EGFR: variants seen among roughly 807,000 people sequenced by gnomAD.
EGFR encodes the protein epidermal growth factor receptor, also known as avian erythroblastic leukemia viral (v-erb-b) oncogene homolog.
A neutral mutation model predicts 143.0 loss-of-function variants in EGFR; 58 were observed. That is an observed-to-expected ratio of 0.41 (90% CI 0.33 to 0.50). The LOEUF is 0.50. Ranked by LOEUF, EGFR falls within the 20% of genes least tolerant of loss-of-function variation. The pLI, the probability that EGFR is intolerant of heterozygous loss-of-function variation, is 0.39. For synonymous variants in EGFR, 613 were observed against 594.4 expected (o/e 1.03, Z -0.45); for missense variants, 1,307 against 1,579.0 (o/e 0.83, Z 2.92).
chr7:55,100,203 G>T (rs933755279), intron 1 of EGFR, among the ~76,000 whole-genome samples: 4 of 152,182 alleles, frequency 2.6e-5, no homozygotes, highest in Non-Finnish European at 5.9e-5. Context: ...AGAGCTGGGA[G>T]CTCTGAAGCC....
At position 55,193,794 on chromosome 7, in the gene EGFR, C is replaced by T. The variant is rs113635828; in HGVS notation, c.2701+953C>T. Among the ~76,000 whole-genome samples the T allele has an allele frequency of 3.7e-3, 560 of 152,280 alleles. 4 individuals are homozygous for T. The highest frequency in any genetic ancestry group is 6.5e-3 in the Non-Finnish European group (442 of 68,028). ...ACAAAAGCAAAATTATTTGGGATAT[C>T]GTCCTTTTTTACTTAGTATTTTTTC... On this transcript the variant is annotated intron_variant, in intron 22 of 27. Transcript: ENST00000275493.
chr7:55,205,754 G>T lies in EGFR; in HGVS notation c.*137G>T, dbSNP rs17337528. 7.3e-7 allele frequency: 1 copy of T among 1,363,748 alleles called. No homozygotes were observed. Among genetic ancestry groups the T allele is most frequent in the African/African-American group, 1.4e-5 (1 of 69,656 alleles). 84.5% of individuals were successfully genotyped at this position (1,363,748 alleles called of 1,614,324 possible). On this transcript the variant is annotated 3_prime_UTR_variant, in exon 28 of 28. Coordinates refer to ENST00000275493, the MANE Select transcript of EGFR (RefSeq NM_005228.5). Reference sequence around the variant, plus strand: ...AGACTGGTTTTGCAACGTTTACACCGACTAGCCAGGAAGTACTTCCACCTC... The same window carrying T: ...AGACTGGTTTTGCAACGTTTACACCTACTAGCCAGGAAGTACTTCCACCTC...
chr7:55,174,700 C>A (rs148470638), intron 18 of EGFR, 22 bp from the exon 19 acceptor site: 1 of 1,599,120 alleles, frequency 6.3e-7, no homozygotes, highest in South Asian at 1.1e-5. Flanking sequence ...CAGTTAACGT[C>A]TTCCTTCTCT....
intron 1 of EGFR, among the ~76,000 whole-genome samples, chr7:55,099,972 G>A (rs889421588): frequency 1.3e-5 from 2 of 152,214 alleles, no homozygotes; most frequent in African/African-American, 4.8e-5. Context: ...TACAAGGGGG[G>A]CTGCATCTTA....
chr7:55,105,301 G>A (rs1349491028), intron 1 of EGFR, among the ~76,000 whole-genome samples: 1 of 152,180 alleles, frequency 6.6e-6, no homozygotes, highest in East Asian at 1.9e-4. Flanking sequence ...TGCACAAGTG[G>A]AAAACTGCAG....
At chr7:55,054,540 G>C (rs1363266857) in intron 1 of EGFR, among the ~76,000 whole-genome samples, 1 of 152,212 alleles carries the variant, frequency 6.6e-6, no homozygotes, top group East Asian at 1.9e-4. Context: ...AGAAAGAGGG[G>C]AACGCTCCCT....
intron 27 of EGFR, 75 bp from the exon 28 acceptor site, chr7:55,205,181 G>T (rs1788059700): frequency 6.3e-7 from 1 of 1,582,990 alleles, no homozygotes; most frequent in East Asian, 2.3e-5. Flanking sequence ...ACATTCACAG[G>T]GTTCAGAACC....
chr7:55,163,717 C>T lies in EGFR; in HGVS notation c.1632-16C>T, dbSNP rs763859090. ...TCTCAGGGGTGGGCTGACGGGTTTC[C>T]TCTTCCTCCTCTCAGTGAGCCAAGG... On this transcript the variant is annotated splice_polypyrimidine_tract_variant and intron_variant, in intron 13 of 27. Coordinates refer to ENST00000275493, the MANE Select transcript of EGFR (RefSeq NM_005228.5). 1 of 1,613,166 alleles carries T rather than the reference C, an allele frequency of 6.2e-7. No individual in the cohort carries two copies. Among genetic ancestry groups the T allele is most frequent in the Non-Finnish European group, 8.5e-7 (1 of 1,179,098 alleles).
chr7:55,184,245 C>A (rs1787030844), intron 20 of EGFR, among the ~76,000 whole-genome samples: 1 of 152,216 alleles, frequency 6.6e-6, no homozygotes, highest in Admixed American at 6.5e-5. Context: ...TTCTTTTCCT[C>A]CTTTGATCCC....
At chr7:55,116,362 C>G (rs1792843275) in intron 1 of EGFR, among the ~76,000 whole-genome samples, 3 of 152,210 alleles carry the variant, frequency 2.0e-5, no homozygotes. Context: ...AAGCACCCCA[C>G]TTTTTGCACC....
rs1406092971 is a variant in EGFR, at chr7:55,202,530, C to A, written c.3176C>A (p.Pro1059His). 1 of 1,609,680 alleles carries A rather than the reference C, an allele frequency of 6.2e-7. No individual in the cohort carries two copies. The highest frequency in any genetic ancestry group is 2.2e-5 in the East Asian group (1 of 44,544). ...CIDRNGLQSC[P>H]IKEDSFLQRY... ...TTCCTCCTGCAGCTGCAAAGCTGTC[C>A]CATCAAGGAAGACAGCTTCTTGCAG... Residue 1059 changes from proline to histidine, a missense_variant, in exon 27 of 28, where the codon CCC becomes CAC. Pro to His is a moderately conservative substitution (Grantham distance 77). Transcript: ENST00000275493.
chr7:55,156,478 G>A (rs2128938007), intron 8 of EGFR, 55 bp from the exon 9 acceptor site: 7 of 1,611,472 alleles, frequency 4.3e-6, no homozygotes, highest in Non-Finnish European at 5.9e-6. Flanking sequence ...TGGATCCCTA[G>A]CTATTCTTAA....
chr7:55,175,679 A>C (rs1027956318), intron 19 of EGFR, among the ~76,000 whole-genome samples: 5 of 152,238 alleles, frequency 3.3e-5, no homozygotes, highest in African/African-American at 1.2e-4. Context: ...TATTACCTCA[A>C]AACTCTAGAG....
At chr7:55,052,768 C>T (rs1012963020) in intron 1 of EGFR, among the ~76,000 whole-genome samples, 4 of 152,136 alleles carry the variant, frequency 2.6e-5, no homozygotes, top group Non-Finnish European at 5.9e-5. Flanking sequence ...TCAAGGGCTC[C>T]GGGTGGGAAT....
chr7:55,082,435 G>T (rs552143372), intron 1 of EGFR, among the ~76,000 whole-genome samples: 1 of 152,102 alleles, frequency 6.6e-6, no homozygotes, highest in East Asian at 1.9e-4. Context: ...GCCTTTTGGA[G>T]ACTCACAGCA....
chr7:55,185,059 T>C (rs902051313), intron 20 of EGFR, among the ~76,000 whole-genome samples: 8 of 152,162 alleles, frequency 5.3e-5, no homozygotes, highest in Admixed American at 1.3e-4. Flanking sequence ...TTCTAAATGT[T>C]GATGGGAGAG....
chr7:55,186,314 C>A (rs137959622), intron 20 of EGFR, among the ~76,000 whole-genome samples: 2 of 152,338 alleles, frequency 1.3e-5, no homozygotes, highest in Non-Finnish European at 2.9e-5. Context: ...AGGCAGGTCC[C>A]AGAGGGCTCC....
chr7:55,117,007 C>T (rs1484707909), intron 1 of EGFR, among the ~76,000 whole-genome samples: 2 of 152,172 alleles, frequency 1.3e-5, no homozygotes, highest in African/African-American at 4.8e-5. Context: ...TTGGGTACCT[C>T]AGAGTGGCGT....
chr7:55,100,184 G>A (rs1791721918), intron 1 of EGFR, among the ~76,000 whole-genome samples: 1 of 152,154 alleles, frequency 6.6e-6, no homozygotes, highest in African/African-American at 2.4e-5. Context: ...CAGTGCCCAG[G>A]GAATGGGCAG....
Sources: allele counts gnomAD v4.1 joint callset (sites outside exome capture counted in the v4.1 genomes callset), GRCh38; gene constraint gnomAD v4.1.1; transcripts MANE v1.5; gene names NCBI Gene and HGNC (gene_info 2026-07-23, HGNC 2026-07-21).